FA2H: variants seen among roughly 807,000 people sequenced by gnomAD.
FA2H encodes the protein fatty acid alpha-hydroxylase.
Under a neutral mutation model 44.9 loss-of-function variants are expected in FA2H, and 22 were observed. The observed-to-expected ratio is 0.49, with a 90% CI of 0.35 to 0.70. The LOEUF (loss-of-function observed/expected upper bound fraction) is 0.70. Among genes scored for constraint, FA2H ranks in the 30% least tolerant of loss-of-function variants. The probability of loss-of-function intolerance (pLI) is 0.01; values close to 1 mark genes in which losing one functional copy is unlikely to be tolerated. For synonymous variants in FA2H, 243 were observed against 213.2 expected (o/e 1.14, Z -1.22); for missense variants, 501 against 504.9 (o/e 0.99, Z 0.07).
intron 4 of FA2H, among the ~76,000 whole-genome samples, chr16:74,724,603 C>T (rs551841179): frequency 3.9e-4 from 60 of 152,312 alleles, no homozygotes; most frequent in Middle Eastern, 6.8e-3. Flanking sequence ...ATTTTCTCTG[C>T]CTGTGGCTTG....
intron 1 of FA2H, among the ~76,000 whole-genome samples, chr16:74,766,032 G>A (rs1410413133): frequency 6.6e-6 from 1 of 152,210 alleles, no homozygotes; most frequent in African/African-American, 2.4e-5. Flanking sequence ...TATCTGCTGG[G>A]TGTGGTGGCT....
intron 1 of FA2H, among the ~76,000 whole-genome samples, chr16:74,744,409 C>G (rs1030382252): frequency 6.7e-6 from 1 of 149,396 alleles, no homozygotes; most frequent in Admixed American, 6.7e-5. Flanking sequence ...GATATGTGTG[C>G]TTTCTTTTTT....
chr16:74,736,327 G>A (rs191101372), intron 2 of FA2H, among the ~76,000 whole-genome samples: 1 of 152,262 alleles, frequency 6.6e-6, no homozygotes, highest in African/African-American at 2.4e-5. Context: ...AGAGAAAGGA[G>A]GCCCAAGGGG....
At chr16:74,766,915 G>A (rs77010154) in intron 1 of FA2H, among the ~76,000 whole-genome samples, 1,706 of 152,266 alleles carry the variant, frequency 0.011, 23 homozygotes, top group African/African-American at 0.037. Context: ...CTGCCTCTGG[G>A]AGGCGCTGTT....
At chr16:74,740,883 A>G (rs1034857401) in intron 1 of FA2H, among the ~76,000 whole-genome samples, 1 of 152,080 alleles carries the variant, frequency 6.6e-6, no homozygotes, top group East Asian at 1.9e-4. Flanking sequence ...CTGATGAGTC[A>G]CAGGCTGTGG....
At chr16:74,754,433 T>C (rs116428276) in intron 1 of FA2H, among the ~76,000 whole-genome samples, 1,559 of 152,152 alleles carry the variant, frequency 0.01, 26 homozygotes, top group African/African-American at 0.036. Flanking sequence ...AAAAAAAATT[T>C]ACTGGGAGGA....
chr16:74,730,217 G>A (rs929377957), intron 2 of FA2H, among the ~76,000 whole-genome samples: 2 of 152,096 alleles, frequency 1.3e-5, no homozygotes, highest in Admixed American at 6.6e-5. Flanking sequence ...TTCTCTCTGT[G>A]CCTGTGACCA....
intron 2 of FA2H, among the ~76,000 whole-genome samples, chr16:74,738,113 G>T (rs938067913): frequency 6.6e-6 from 1 of 152,218 alleles, no homozygotes; most frequent in Non-Finnish European, 1.5e-5. Context: ...GCAGGTGGGG[G>T]CTCCGTCCAG....
intron 1 of FA2H, among the ~76,000 whole-genome samples, chr16:74,764,471 G>C (rs1391779075): frequency 1.3e-5 from 2 of 152,172 alleles, no homozygotes; most frequent in Non-Finnish European, 2.9e-5. Context: ...GTCAGGAACA[G>C]AAACCAAATA....
chr16:74,726,127 T>C (rs1339456873), intron 4 of FA2H, 98 bp downstream of exon 4: 2 of 799,586 alleles, frequency 2.5e-6, no homozygotes, highest in East Asian at 2.5e-5. Flanking sequence ...TGATGTAGTT[T>C]GGGGTTCTGT....
rs1311480768 is a variant in FA2H, at chr16:74,741,797, T to C, written c.271-1682A>G. On this transcript the variant is annotated intron_variant, in intron 1 of 6. Coordinates refer to ENST00000219368, the MANE Select transcript of FA2H (RefSeq NM_024306.5). ...AAATATATATATATATATATATATA[T>C]ATATATATATATGTGTGTGTGTGTG... 4.5e-4 allele frequency among the ~76,000 whole-genome samples: 37 copies of C among 81,944 alleles called. 2 individuals carry two copies. The highest frequency in any genetic ancestry group is 8.2e-4 in the Non-Finnish European group (35 of 42,796). The allele number at this position is 81,944 out of a possible 152,430, so 53.8% of individuals were successfully genotyped here.
At chr16:74,738,401 G>A (rs1252054262) in intron 2 of FA2H, among the ~76,000 whole-genome samples, 1 of 152,160 alleles carries the variant, frequency 6.6e-6, no homozygotes, top group East Asian at 1.9e-4. Context: ...CAGTGATGGG[G>A]CCGGGGTCAG....
At chr16:74,762,640 C>T (rs1013838288) in intron 1 of FA2H, among the ~76,000 whole-genome samples, 6 of 152,160 alleles carry the variant, frequency 3.9e-5, no homozygotes, top group Non-Finnish European at 5.9e-5. Context: ...AAGAATTTTC[C>T]TGCTTCAGCC....
intron 4 of FA2H, among the ~76,000 whole-genome samples, chr16:74,719,610 T>C (rs1434956477): frequency 6.6e-6 from 1 of 152,170 alleles, no homozygotes; most frequent in Non-Finnish European, 1.5e-5. Flanking sequence ...TGATTACAGC[T>C]TACTGCAGCC....
intron 5 of FA2H, among the ~76,000 whole-genome samples, chr16:74,717,680 C>T (rs538796394): frequency 8.5e-5 from 13 of 152,282 alleles, no homozygotes; most frequent in Admixed American, 5.2e-4. Context: ...TTGGAGCCCA[C>T]GTGGCTACAG....
chr16:74,747,081 C>A (rs1043295513), intron 1 of FA2H, among the ~76,000 whole-genome samples: 2 of 152,058 alleles, frequency 1.3e-5, no homozygotes, highest in African/African-American at 4.8e-5. Context: ...GAGGCAGAGG[C>A]AGGTGGATCA....
chr16:74,748,163 G>A (rs1000310026), intron 1 of FA2H, among the ~76,000 whole-genome samples: 2 of 152,230 alleles, frequency 1.3e-5, no homozygotes, highest in African/African-American at 4.8e-5. Context: ...TCTGCAGCCA[G>A]GGGCGGCCTT....
chr16:74,763,257 A>T (rs1171673459), intron 1 of FA2H, among the ~76,000 whole-genome samples: 2 of 151,470 alleles, frequency 1.3e-5, no homozygotes, highest in East Asian at 1.9e-4. Context: ...AACGTTTGGA[A>T]TTTTTTTTTG....
chr16:74,740,790 C>G (rs1384958767), intron 1 of FA2H, among the ~76,000 whole-genome samples: 1 of 152,126 alleles, frequency 6.6e-6, no homozygotes, highest in Non-Finnish European at 1.5e-5. Flanking sequence ...CCTGCCGGTT[C>G]TCCTTCAGGT....
Sources: allele counts gnomAD v4.1 joint callset (sites outside exome capture counted in the v4.1 genomes callset), GRCh38; gene constraint gnomAD v4.1.1; transcripts MANE v1.5; gene names NCBI Gene and HGNC (gene_info 2026-07-23, HGNC 2026-07-21).